Variants in PTPRD observed in about 807,000 individuals in gnomAD.
PTPRD encodes the protein protein tyrosine phosphatase receptor type D.
PTPRD carries 34 observed loss-of-function variants against 214.5 expected under a neutral mutation model. The observed-to-expected ratio is 0.16, with a 90% confidence interval of 0.12 to 0.21. The LOEUF (loss-of-function observed/expected upper bound fraction) is 0.21. PTPRD is among the 10% of genes least tolerant of loss of function. The pLI is 1.00. For missense variants in PTPRD, 2,545 were observed against 2,398.7 expected, an observed-to-expected ratio of 1.06 and a Z score of -1.27; for synonymous variants, 1,128 against 845.7, an observed-to-expected ratio of 1.33 and a Z score of -5.79.
intron 10 of PTPRD, among the ~76,000 whole-genome samples, chr9:9,147,289 A>G (rs1297016334): frequency 7.7e-6 from 1 of 130,096 alleles, no homozygotes; most frequent in Non-Finnish European, 1.6e-5. Flanking sequence ...GGAACTCCCA[A>G]TTTGTTCTTT....
chr9:8,402,026 G>T (rs2092458219), intron 36 of PTPRD, among the ~76,000 whole-genome samples: 1 of 152,182 alleles, frequency 6.6e-6, no homozygotes, highest in South Asian at 2.1e-4. Context: ...TGTGGTTCCA[G>T]TTGCCAGTAT....
intron 11 of PTPRD, among the ~76,000 whole-genome samples, chr9:8,746,001 C>A (rs1413785666): frequency 6.6e-6 from 1 of 152,138 alleles, no homozygotes; most frequent in African/African-American, 2.4e-5. Flanking sequence ...CTATGTTGCC[C>A]AGACTGGTCT....
chr9:9,512,838 G>A (rs1164072827), intron 8 of PTPRD, among the ~76,000 whole-genome samples: 1 of 148,310 alleles, frequency 6.7e-6, no homozygotes, highest in African/African-American at 2.5e-5. Context: ...TCTTTAGAGT[G>A]CAAGACCAGA....
chr9:9,793,060 T>G (rs554091234), intron 5 of PTPRD, among the ~76,000 whole-genome samples: 86 of 152,122 alleles, frequency 5.7e-4, no homozygotes, highest in African/African-American at 2.0e-3. Context: ...CTGGATACTG[T>G]GTGTGAATGG....
intron 5 of PTPRD, among the ~76,000 whole-genome samples, chr9:9,865,794 A>G (rs1268125590): frequency 6.6e-6 from 1 of 152,260 alleles, no homozygotes; most frequent in Non-Finnish European, 1.5e-5. Context: ...ATGTGATAAC[A>G]AAAGTAACAT....
intron 10 of PTPRD, among the ~76,000 whole-genome samples, chr9:9,116,443 T>A (rs1055716060): frequency 6.6e-6 from 1 of 151,832 alleles, no homozygotes; most frequent in Non-Finnish European, 1.5e-5. Flanking sequence ...CAGGGTGGTA[T>A]AATGGACATG....
chr9:9,079,583 A>G (rs1029962358), intron 10 of PTPRD, among the ~76,000 whole-genome samples: 1 of 150,634 alleles, frequency 6.6e-6, no homozygotes, highest in African/African-American at 2.5e-5. Flanking sequence ...ACTGTTCTCC[A>G]TAGTGGTTGC....
intron 11 of PTPRD, among the ~76,000 whole-genome samples, chr9:8,969,500 G>C (rs2099222963): frequency 6.6e-6 from 1 of 151,944 alleles, no homozygotes; most frequent in African/African-American, 2.4e-5. Context: ...TATTATACAA[G>C]ACTATAAATC....
intron 4 of PTPRD, among the ~76,000 whole-genome samples, chr9:10,028,764 A>G (rs2096981880): frequency 6.6e-6 from 1 of 152,232 alleles, no homozygotes; most frequent in African/African-American, 2.4e-5. Context: ...AAAGGCATTC[A>G]GTTTTATAAG....
chr9:8,521,797 A>T (rs2097896494), intron 19 of PTPRD, among the ~76,000 whole-genome samples: 1 of 152,208 alleles, frequency 6.6e-6, no homozygotes, highest in Admixed American at 6.5e-5. Flanking sequence ...TCAGACCTAC[A>T]AGGGCCCCAC....
chr9:8,781,065 G>A (rs2095673253), intron 11 of PTPRD, among the ~76,000 whole-genome samples: 4 of 152,286 alleles, frequency 2.6e-5, no homozygotes, highest in South Asian at 2.1e-4. Flanking sequence ...GAGGATGCGG[G>A]ATGGTTAGCT....
At chr9:8,889,369 C>A (rs80330363) in intron 11 of PTPRD, among the ~76,000 whole-genome samples, 11,708 of 152,026 alleles carry the variant, frequency 0.077, 606 homozygotes, top group Middle Eastern at 0.11. Flanking sequence ...ACATAGTAGG[C>A]AATATAATAG....
At chr9:9,245,386 TA>T (rs1319693035) in intron 9 of PTPRD, among the ~76,000 whole-genome samples, 9 of 152,212 alleles carry the variant, frequency 5.9e-5, no homozygotes, top group African/African-American at 2.2e-4. Flanking sequence ...CCAACAATGA[TA>T]GACTGGATTA....
At chr9:10,128,722 C>G (rs1341298321) in intron 3 of PTPRD, among the ~76,000 whole-genome samples, 1 of 152,136 alleles carries the variant, frequency 6.6e-6, no homozygotes, top group Non-Finnish European at 1.5e-5. Flanking sequence ...TAGGGACTCC[C>G]TCACCGTTAA....
chr9:8,346,823 G>C (rs2073958962), intron 39 of PTPRD, among the ~76,000 whole-genome samples: 1 of 152,108 alleles, frequency 6.6e-6, no homozygotes, highest in South Asian at 2.1e-4. Flanking sequence ...GTATGCTGAG[G>C]TTGCTAAGAT....
At chr9:9,777,659 T>TG (rs1374960136) in intron 5 of PTPRD, among the ~76,000 whole-genome samples, 1 of 152,092 alleles carries the variant, frequency 6.6e-6, no homozygotes, top group Admixed American at 6.6e-5. Flanking sequence ...ATCACATCAC[T>TG]GCACTGTAGT....
chr9:8,887,921 A>C (rs1191139851), intron 11 of PTPRD, among the ~76,000 whole-genome samples: 1 of 151,998 alleles, frequency 6.6e-6, no homozygotes, highest in Non-Finnish European at 1.5e-5. Flanking sequence ...TACAGGAAGA[A>C]CCATCTCAAT....
intron 5 of PTPRD, among the ~76,000 whole-genome samples, chr9:9,837,998 A>T (rs200418688): frequency 9.2e-5 from 14 of 151,886 alleles, no homozygotes; most frequent in East Asian, 5.8e-4. Context: ...AATTCCCACC[A>T]ATGAGTGAGA....
chr9:10,090,957 C>T (rs955515844), intron 3 of PTPRD, among the ~76,000 whole-genome samples: 1 of 142,606 alleles, frequency 7.0e-6, no homozygotes, highest in East Asian at 2.1e-4. Flanking sequence ...CACACACACA[C>T]ACATGCATGT....
Sources: gnomAD v4.1 joint callset for allele counts (sites outside exome capture counted in the v4.1 genomes callset) on GRCh38, gnomAD v4.1.1 for gene constraint, MANE v1.5 for transcripts, NCBI Gene and HGNC (gene_info 2026-07-23, HGNC 2026-07-21) for gene names.